Variants in AMBRA1 observed in about 807,000 individuals in gnomAD.
AMBRA1 encodes the protein autophagy and beclin 1 regulator 1.
Under a neutral mutation model 125.4 loss-of-function variants are expected in AMBRA1, and 47 were observed. The observed-to-expected ratio is 0.37, with a 90% CI of 0.30 to 0.48. AMBRA1 has a LOEUF of 0.48. AMBRA1 is among the 20% of genes least tolerant of loss of function. The pLI, the probability that AMBRA1 is intolerant of heterozygous loss-of-function variation, is 0.99. For missense variants in AMBRA1, 1,331 were observed against 1,693.4 expected (o/e 0.79, Z 3.76); for synonymous variants, 626 against 655.5 (o/e 0.95, Z 0.69).
At chr11:46,558,272 C>T (rs773832386) in intron 1 of AMBRA1, among the ~76,000 whole-genome samples, 19 of 151,998 alleles carry the variant, frequency 1.3e-4, no homozygotes, top group Non-Finnish European at 2.8e-4. Context: ...CTAATATCAC[C>T]GGGCGCAGTC....
intron 12 of AMBRA1, among the ~76,000 whole-genome samples, chr11:46,438,324 T>C (rs752317488): frequency 1.5e-4 from 23 of 152,278 alleles, no homozygotes; most frequent in Admixed American, 3.3e-4. Context: ...CAATTAGAAA[T>C]GATTTCCAAG....
intron 17 of AMBRA1, among the ~76,000 whole-genome samples, chr11:46,405,570 TA>T (rs34127583): frequency 1.3e-5 from 2 of 151,302 alleles, no homozygotes; most frequent in Non-Finnish European, 3.0e-5. Context: ...AAATAATGAT[TA>T]AAAAAATAGC....
In AMBRA1 at chr11:46,542,236, C is replaced by A; in HGVS notation, c.1781G>T (p.Gly594Val). 1 of 1,614,082 alleles carries A rather than the reference C, an allele frequency of 6.2e-7. No homozygotes were observed. The highest frequency in any genetic ancestry group is 1.3e-5 in the African/African-American group (1 of 75,028). Residue 594 changes from glycine to valine, a missense_variant, in exon 7 of 18, where the codon GGC (glycine) becomes GTC (valine). By Grantham distance (109) the Gly-to-Val change is moderately radical. Transcript: ENST00000683756. The surrounding 1 kb of genome is among the most constrained non-coding windows in gnomAD (Gnocchi z 5.9). ...WERTTPNYSSGEASSSWQVPS... is the reference protein window; with the variant it reads ...WERTTPNYSSVEASSSWQVPS... ...GACCTGCCAAGAGGAACTAGCCTCG[C>A]CAGAGGAGTAGTTAGGTGTGGTTCT...
chr11:46,479,698 C>T (rs1949978821), intron 11 of AMBRA1, among the ~76,000 whole-genome samples: 1 of 152,112 alleles, frequency 6.6e-6, no homozygotes, highest in Non-Finnish European at 1.5e-5. Context: ...TTCCGTCACA[C>T]ACACAACCCT....
chr11:46,418,633 G>C (rs922991304), intron 14 of AMBRA1, among the ~76,000 whole-genome samples: 2 of 151,738 alleles, frequency 1.3e-5, no homozygotes, highest in Non-Finnish European at 2.9e-5. Context: ...TCCCACCTAT[G>C]AGTGAGAACA....
rs575848015 is a variant in AMBRA1, at chr11:46,469,282, T to C, written c.2521+24326A>G. ...AACTCTCCAGCTCCTAATCTTCCCT[T>C]CCTCCAAAATGAAATCATTGTTTTT... On this transcript the variant is annotated intron_variant, in intron 11 of 17. Transcript: ENST00000683756. Among the ~76,000 whole-genome samples the C allele has an allele frequency of 7.2e-5, 11 of 152,346 alleles. No homozygotes were observed. The South Asian group carries it at 2.1e-3, about 29-fold the overall frequency.
intron 5 of AMBRA1, 125 bp downstream of exon 5, chr11:46,545,479 A>G (rs1952974496): frequency 5.4e-6 from 6 of 1,120,400 alleles, no homozygotes; most frequent in Non-Finnish European, 7.5e-6. Context: ...AAATAGGAGG[A>G]GCTATGAGGA....
intron 14 of AMBRA1, among the ~76,000 whole-genome samples, chr11:46,424,812 C>T (rs945878724): frequency 6.6e-6 from 1 of 151,866 alleles, no homozygotes; most frequent in Non-Finnish European, 1.5e-5. Context: ...TGTACTCCAC[C>T]GTGGGTGAGA....
At chr11:46,423,382 T>G (rs1342728558) in intron 14 of AMBRA1, among the ~76,000 whole-genome samples, 1 of 152,016 alleles carries the variant, frequency 6.6e-6, no homozygotes, top group African/African-American at 2.4e-5. Flanking sequence ...TTTTTATAAT[T>G]TTTATTATTT....
intron 9 of AMBRA1, among the ~76,000 whole-genome samples, chr11:46,504,915 G>A (rs1950976132): frequency 1.3e-5 from 2 of 152,238 alleles, no homozygotes; most frequent in African/African-American, 4.8e-5. Context: ...AACCACAAAA[G>A]ATGGGCTCTG....
At chr11:46,578,319 T>C (rs775817413) in intron 1 of AMBRA1, among the ~76,000 whole-genome samples, 20 of 151,406 alleles carry the variant, frequency 1.3e-4, no homozygotes, top group Non-Finnish European at 2.9e-4. Context: ...AAACCCTGTC[T>C]CCACTAAAAA....
At position 46,542,005 on chromosome 11, in the gene AMBRA1, GAC is replaced by G; in HGVS notation, c.2010_2011del (p.Ser671ThrfsTer10). The G allele has an allele frequency of 6.2e-7, 1 of 1,614,040 alleles. No homozygotes were observed. Among genetic ancestry groups the G allele is most frequent in the Non-Finnish European group, 8.5e-7 (1 of 1,179,980 alleles). ...CATATCCTGATGTAAGGCCTCCTGT[GAC>G]ACAGTTCCAGATCTGCTGGACTGGG... On this transcript the variant is annotated frameshift_variant, in exon 7 of 18. Coordinates refer to ENST00000683756, the MANE Select transcript of AMBRA1 (RefSeq NM_001387011.1). LOFTEE classifies it high-confidence loss of function. This position sits in a 1 kb window ranked among gnomAD's most constrained non-coding sequence, Gnocchi z 5.9.
intron 12 of AMBRA1, among the ~76,000 whole-genome samples, chr11:46,438,702 C>T (rs1947850048): frequency 2.6e-5 from 4 of 152,166 alleles, no homozygotes; most frequent in South Asian, 2.1e-4. Flanking sequence ...ACCACTCATC[C>T]GCCGGGTTTC....
chr11:46,439,143 A>G (rs543346374), intron 12 of AMBRA1, among the ~76,000 whole-genome samples: 3 of 152,196 alleles, frequency 2.0e-5, no homozygotes, highest in Non-Finnish European at 2.9e-5. Context: ...ATATGGTGGC[A>G]TGTGCCTGTA....
Position 46,396,584 on chromosome 11 carries a change from A to T in AMBRA1, c.*866T>A, listed in dbSNP as rs1945474307. On this transcript the variant is annotated 3_prime_UTR_variant, in exon 18 of 18. Transcript: ENST00000683756. ...CAGAGCCTTGATTTCTCCACTAGAAACTACACGTACAGTTAAGAGTCCACA... is the reference window on the plus strand; with the variant it reads ...CAGAGCCTTGATTTCTCCACTAGAATCTACACGTACAGTTAAGAGTCCACA... The T allele has an allele frequency of 6.6e-6, 1 of 152,626 alleles. No individual in the cohort carries two copies. The highest frequency in any genetic ancestry group is 1.5e-5 in the Non-Finnish European group (1 of 68,046). The allele number at this position is 152,626 out of a possible 1,614,324, so 9.5% of individuals were successfully genotyped here.
intron 7 of AMBRA1, among the ~76,000 whole-genome samples, chr11:46,538,105 C>A (rs1952562622): frequency 6.6e-6 from 1 of 152,188 alleles, no homozygotes; most frequent in African/African-American, 2.4e-5. Context: ...AGACCAGCAC[C>A]TGTTTGTCTT....
chr11:46,468,175 A>C (rs1274351450), intron 11 of AMBRA1, among the ~76,000 whole-genome samples: 2 of 152,164 alleles, frequency 1.3e-5, no homozygotes, highest in African/African-American at 4.8e-5. Context: ...AATTATAAGA[A>C]CAATAGATGA....
At chr11:46,492,973 C>T (rs1359735229) in intron 11 of AMBRA1, among the ~76,000 whole-genome samples, 2 of 152,154 alleles carry the variant, frequency 1.3e-5, no homozygotes, top group Admixed American at 6.5e-5. Context: ...TGCTTGAACC[C>T]GGGAGGTGGA....
rs775214784 is a variant in AMBRA1 at position 46,397,420 on chromosome 11, C to T, written c.*30G>A. 7 of 1,468,422 alleles carry T rather than the reference C, an allele frequency of 4.8e-6. No individual in the cohort carries two copies. Among genetic ancestry groups the T allele is most frequent in the East Asian group, 2.4e-5 (1 of 41,962 alleles). The allele number at this position is 1,468,422 out of a possible 1,614,324, so 91.0% of individuals were successfully genotyped here. On this transcript the variant is annotated 3_prime_UTR_variant, in exon 18 of 18. Coordinates refer to ENST00000683756, the MANE Select transcript of AMBRA1 (RefSeq NM_001387011.1). Reference sequence around the variant, plus strand: ...GAGGTCCGGTTTCTGCTTGGCGGTTCGAGGGGAGGCACCAGTGCAACGTTT... The same window carrying T: ...GAGGTCCGGTTTCTGCTTGGCGGTTTGAGGGGAGGCACCAGTGCAACGTTT...
Sources: allele counts gnomAD v4.1 joint callset (sites outside exome capture counted in the v4.1 genomes callset), GRCh38; gene constraint gnomAD v4.1.1; non-coding constraint Gnocchi (gnomAD v3.1); transcripts MANE v1.5; gene names NCBI Gene and HGNC (gene_info 2026-07-23, HGNC 2026-07-21).